CTNND2: variants seen among roughly 807,000 people sequenced by gnomAD.
The protein encoded by CTNND2 is catenin delta-2.
CTNND2 carries 22 observed loss-of-function variants against 144.4 expected under a neutral mutation model. That is an observed-to-expected ratio of 0.15 (90% CI 0.11 to 0.22). CTNND2 has a LOEUF of 0.22. Ranked by LOEUF, CTNND2 falls within the 10% of genes least tolerant of loss-of-function variation. The pLI is 1.00. For synonymous variants in CTNND2, 751 were observed against 695.6 expected, an observed-to-expected ratio of 1.08 and a Z score of -1.25; for missense variants, 1,353 against 1,618.8, an observed-to-expected ratio of 0.84 and a Z score of 2.82.
intron 16 of CTNND2, among the ~76,000 whole-genome samples, chr5:11,029,361 C>A (rs1167291881): frequency 1.3e-5 from 2 of 152,076 alleles, no homozygotes; most frequent in East Asian, 3.8e-4. Flanking sequence ...TTGTTTGTCC[C>A]TAATTTCCTG....
chr5:11,713,148 T>C (rs1452182775), intron 2 of CTNND2, among the ~76,000 whole-genome samples: 2 of 152,242 alleles, frequency 1.3e-5, no homozygotes, highest in Non-Finnish European at 2.9e-5. Flanking sequence ...TTATTTCTTA[T>C]TTTAGGATGA....
chr5:11,129,168 AT>A (rs1269592416), intron 12 of CTNND2, among the ~76,000 whole-genome samples: 2 of 21,316 alleles, frequency 9.4e-5, no homozygotes, highest in African/African-American at 2.9e-4. Context: ...TATATTATAT[AT>A]TATATATTTT....
intron 19 of CTNND2, among the ~76,000 whole-genome samples, chr5:10,989,398 C>T (rs961094027): frequency 1.3e-5 from 2 of 152,210 alleles, no homozygotes; most frequent in African/African-American, 4.8e-5. Context: ...GCCCAGAGCC[C>T]ATCCTGGACC....
chr5:11,418,674 AT>A (rs901382269), intron 3 of CTNND2, among the ~76,000 whole-genome samples: 1 of 152,188 alleles, frequency 6.6e-6, no homozygotes, highest in African/African-American at 2.4e-5. Flanking sequence ...ATCCACATCA[AT>A]TTGTAAGGAG....
rs1254488469 is a variant in CTNND2, at chr5:11,138,062, T to C, written c.2160-20495A>G. Among the ~76,000 whole-genome samples, 3 of 152,220 alleles carry C rather than the reference T, an allele frequency of 2.0e-5. No homozygotes were observed. In the East Asian group the frequency reaches 5.8e-4, roughly 29 times the overall value. On this transcript the variant is annotated intron_variant, in intron 12 of 21. Coordinates refer to ENST00000304623, the MANE Select transcript of CTNND2 (RefSeq NM_001332.4). ...GCTTATTCAGCTTACTTGCAGAATT[T>C]AGTTTGTTATGGTTGTAGGACTGAA...
At chr5:10,996,788 G>A (rs1328040578) in intron 18 of CTNND2, among the ~76,000 whole-genome samples, 2 of 151,976 alleles carry the variant, frequency 1.3e-5, no homozygotes, top group Non-Finnish European at 2.9e-5. Context: ...TAGTAGAGAC[G>A]GAGTTTCACC....
intron 2 of CTNND2, among the ~76,000 whole-genome samples, chr5:11,578,669 G>GAATA (rs57654816): frequency 0.23 from 33,759 of 145,676 alleles, 4,304 homozygotes; most frequent in Middle Eastern, 0.31. Flanking sequence ...ACAAATACAT[G>GAATA]AATAAATAAA....
intron 12 of CTNND2, among the ~76,000 whole-genome samples, chr5:11,124,199 C>T (rs1214741758): frequency 2.0e-5 from 3 of 152,142 alleles, no homozygotes; most frequent in African/African-American, 7.2e-5. Context: ...CTTGCTTAGG[C>T]TAAGCAGAGA....
intron 1 of CTNND2, among the ~76,000 whole-genome samples, chr5:11,897,672 G>T (rs566535609): frequency 6.6e-6 from 1 of 152,302 alleles, no homozygotes; most frequent in African/African-American, 2.4e-5. Flanking sequence ...ACATAAATCT[G>T]CTGAATTTCA....
chr5:11,863,174 G>T (rs1465464165), intron 1 of CTNND2, among the ~76,000 whole-genome samples: 1 of 152,170 alleles, frequency 6.6e-6, no homozygotes, highest in African/African-American at 2.4e-5. Flanking sequence ...AAGAAATTAT[G>T]TGTTGATATT....
At chr5:11,763,127 T>C (rs577320271) in intron 1 of CTNND2, among the ~76,000 whole-genome samples, 24 of 152,282 alleles carry the variant, frequency 1.6e-4, no homozygotes, top group Non-Finnish European at 1.2e-4. Context: ...CTGCTGGCCA[T>C]GTGAAGATGG....
intron 12 of CTNND2, among the ~76,000 whole-genome samples, chr5:11,158,394 C>G (rs1333493932): frequency 1.3e-5 from 2 of 152,124 alleles, no homozygotes; most frequent in Non-Finnish European, 2.9e-5. Flanking sequence ...TAGGGGGTTT[C>G]AGAGTACTGT....
In CTNND2 at chr5:11,278,992, G is replaced by A. The variant is rs956336565; in HGVS notation, c.1629-42169C>T. ...CCACGGTGTTCCCATCCAGTCTCAC[G>A]ACTTTAAGTAGACTAGCGTATAGAC... On this transcript the variant is annotated intron_variant, in intron 9 of 21. Transcript: ENST00000304623. Among the ~76,000 whole-genome samples the A allele has an allele frequency of 3.3e-5, 5 of 152,116 alleles. No homozygotes were observed. In the South Asian group the frequency reaches 8.3e-4, roughly 25 times the overall value.
chr5:11,823,970 T>TG (rs551608510), intron 1 of CTNND2, among the ~76,000 whole-genome samples: 7 of 151,332 alleles, frequency 4.6e-5, no homozygotes, highest in Non-Finnish European at 1.0e-4. Context: ...TAGCTGGGCA[T>TG]GGTGGCGGGA....
At chr5:11,713,746 T>C (rs909360966) in intron 2 of CTNND2, among the ~76,000 whole-genome samples, 3 of 152,150 alleles carry the variant, frequency 2.0e-5, no homozygotes, top group African/African-American at 7.2e-5. Flanking sequence ...ACAAATAAAA[T>C]GTAACACAGA....
intron 11 of CTNND2, among the ~76,000 whole-genome samples, chr5:11,188,333 C>T (rs557119025): frequency 1.9e-4 from 29 of 152,250 alleles, no homozygotes; most frequent in Admixed American, 5.2e-4. Context: ...AGCCACTATC[C>T]TCAGCAAACT....
At chr5:11,508,819 G>A (rs1360817902) in intron 3 of CTNND2, among the ~76,000 whole-genome samples, 1 of 151,998 alleles carries the variant, frequency 6.6e-6, no homozygotes, top group Non-Finnish European at 1.5e-5. Flanking sequence ...GCTGAAGCAG[G>A]AGAGTCACTT....
intron 1 of CTNND2, among the ~76,000 whole-genome samples, chr5:11,890,872 G>C (rs866372192): frequency 6.6e-6 from 1 of 152,208 alleles, no homozygotes; most frequent in Non-Finnish European, 1.5e-5. Flanking sequence ...GGGACAGAGA[G>C]GGGAGATAAG....
chr5:11,410,300 T>C lies in CTNND2; in HGVS notation c.439+1236A>G, dbSNP rs73046110. On this transcript the variant is annotated intron_variant, in intron 5 of 21. Transcript: ENST00000304623. ...GGATGCATATGGGTATAAATAAATC[T>C]GTGTATACACAGCAATGTTATCCTA... Among the ~76,000 whole-genome samples the C allele has an allele frequency of 5.5e-3, 841 of 152,280 alleles. 13 individuals carry two copies. The highest frequency in any genetic ancestry group is 0.02 in the African/African-American group (813 of 41,590).
Sources: allele counts gnomAD v4.1 joint callset (sites outside exome capture counted in the v4.1 genomes callset), GRCh38; gene constraint gnomAD v4.1.1; transcripts MANE v1.5; gene names NCBI Gene and HGNC (gene_info 2026-07-23, HGNC 2026-07-21).